Variants in LRRC25 observed in about 807,000 individuals in gnomAD.
LRRC25 encodes leucine rich repeat containing 25.
LRRC25 carries 5 observed loss-of-function variants against 18.8 expected under a neutral mutation model. That is an observed-to-expected ratio of 0.27 (90% confidence interval 0.14 to 0.56). The LOEUF is 0.56. Ranked by LOEUF, LRRC25 falls within the 20% of genes least tolerant of loss-of-function variation. LRRC25 has a pLI of 0.93. For missense variants in LRRC25, 341 were observed against 389.8 expected (o/e 0.87, Z 1.05); for synonymous variants, 161 against 176.8 (o/e 0.91, Z 0.71).
chr19:18,393,232 AG>A (rs2144620925), intron 1 of LRRC25, among the ~76,000 whole-genome samples: 1 of 152,324 alleles, frequency 6.6e-6, no homozygotes, highest in South Asian at 2.1e-4. Flanking sequence ...GTCAAGGAGC[AG>A]GTAGCTACTT....
Position 18,392,135 on chromosome 19 carries a change from C to T in LRRC25, c.780-10G>A. ...CTCTGAAGGGTGAGCCCTGGGGGGA[C>T]AGACAGACCAGGGGTAAGTGTGGGA... On this transcript the variant is annotated splice_polypyrimidine_tract_variant and intron_variant, in intron 1 of 1. Transcript: ENST00000339007. 6.2e-7 allele frequency: 1 copy of T among 1,612,966 alleles called. No homozygotes were observed. Among genetic ancestry groups the T allele is most frequent in the Non-Finnish European group, 8.5e-7 (1 of 1,179,220 alleles).
rs1330516605 is a variant in LRRC25 at position 18,396,420 on chromosome 19, C to T, written c.544G>A (p.Ala182Thr). The change falls in exon 1 of 2, where the codon GCT (alanine) becomes ACT (threonine). Residue 182 changes from alanine to threonine, a missense_variant. Coordinates refer to ENST00000339007, the MANE Select transcript of LRRC25 (RefSeq NM_145256.3). ...SGCLLLGLAIAGPVLAWRLWR... is the reference protein window; with the variant it reads ...SGCLLLGLAITGPVLAWRLWR... Reference sequence around the variant, plus strand: ...AGTCTCCAGGCCAGCACAGGGCCAGCGATGGCAAGTCCAAGAAGCAGGCAC... The same window carrying T: ...AGTCTCCAGGCCAGCACAGGGCCAGTGATGGCAAGTCCAAGAAGCAGGCAC... 11 of 1,613,346 alleles carry T rather than the reference C, an allele frequency of 6.8e-6. No individual in the cohort carries two copies. Among genetic ancestry groups the T allele is most frequent in the African/African-American group, 1.3e-5 (1 of 74,938 alleles).
At position 18,396,186 on chromosome 19, in the gene LRRC25, C is replaced by G; in HGVS notation, c.778G>C (p.Gly260Arg). The change falls in exon 1 of 2, where the codon GGG becomes CGG. Residue 260 changes from glycine (G) to arginine (R), a missense_variant and splice_region_variant. Coordinates refer to ENST00000339007, the MANE Select transcript of LRRC25 (RefSeq NM_145256.3). ...CAGGTGTCTCAGTGGCTTACTTACC[C>G]TTGTTCATCCCACTGGTGCTCGGCT... ...PAAEHQWDEQ[G>R]AHPSEDNDFY... The G allele has an allele frequency of 6.3e-7, 1 of 1,590,626 alleles. No homozygotes were observed. The highest frequency in any genetic ancestry group is 1.1e-5 in the South Asian group (1 of 88,810).
At position 18,392,129 on chromosome 19, in the gene LRRC25, G is replaced by C; in HGVS notation, c.780-4C>G. ...ATTGTCCTCTGAAGGGTGAGCCCTG[G>C]GGGGACAGACAGACCAGGGGTAAGT... On this transcript the variant is annotated splice_region_variant and splice_polypyrimidine_tract_variant and intron_variant, in intron 1 of 1. Coordinates refer to ENST00000339007, the MANE Select transcript of LRRC25 (RefSeq NM_145256.3). 1 of 1,613,574 alleles carries C rather than the reference G, an allele frequency of 6.2e-7. No homozygotes were observed. The highest frequency in any genetic ancestry group is 1.1e-5 in the South Asian group (1 of 91,036).
At chr19:18,392,531 C>A (rs1050294290) in intron 1 of LRRC25, among the ~76,000 whole-genome samples, 5 of 151,920 alleles carry the variant, frequency 3.3e-5, no homozygotes, top group African/African-American at 1.2e-4. Flanking sequence ...GTGGCTCAGT[C>A]CACCCCGAAT....
At chr19:18,392,485 C>CT (rs1383088502) in intron 1 of LRRC25, among the ~76,000 whole-genome samples, 20 of 151,688 alleles carry the variant, frequency 1.3e-4, no homozygotes, top group Non-Finnish European at 5.9e-5. Flanking sequence ...GAGCAAGACT[C>CT]TATCTCAGAA....
At chr19:18,394,106 G>A (rs113551409) in intron 1 of LRRC25, among the ~76,000 whole-genome samples, 4 of 152,020 alleles carry the variant, frequency 2.6e-5, no homozygotes, top group East Asian at 1.9e-4. Context: ...AGCCATGGCC[G>A]CGGCCCCTTC....
At position 18,396,668 on chromosome 19, in the gene LRRC25, C is replaced by A. The variant is rs769630201; in HGVS notation, c.296G>T (p.Arg99Leu). 4 of 1,613,948 alleles carry A rather than the reference C, an allele frequency of 2.5e-6. No homozygotes were observed. The highest frequency in any genetic ancestry group is 2.5e-6 in the Non-Finnish European group (3 of 1,180,016). The change falls in exon 1 of 2, where the codon CGT becomes CTT. Residue 99 changes from arginine (R) to leucine (L), a missense_variant. Transcript: ENST00000339007. ...GCGGGCGGCCAGCGCCCCATCCACA[C>A]GAGACAAGGGGTTGCGTAGCACGTT... ...VLNVLRNPLS[R>L]VDGALAARCD...
chr19:18,392,621 G>A (rs1456683139), intron 1 of LRRC25, among the ~76,000 whole-genome samples: 2 of 152,192 alleles, frequency 1.3e-5, no homozygotes, highest in Non-Finnish European at 2.9e-5. Flanking sequence ...GGCTGCGGGA[G>A]GGCAGTGATT....
intron 1 of LRRC25, among the ~76,000 whole-genome samples, chr19:18,395,708 C>T (rs1321012875): frequency 6.6e-6 from 1 of 152,052 alleles, no homozygotes; most frequent in Admixed American, 6.6e-5. Context: ...AATTCTCCCT[C>T]ATTTTACTTT....
chr19:18,393,491 G>A (rs978914181), intron 1 of LRRC25, among the ~76,000 whole-genome samples: 1 of 152,148 alleles, frequency 6.6e-6, no homozygotes, highest in African/African-American at 2.4e-5. Context: ...GTGGGCGCCT[G>A]TAATCCCAGC....
rs1971975885 is a variant in LRRC25, at chr19:18,396,742, T to A, written c.222A>T (p.Arg74=). ...ILLDLSGNGL[R]ELPVTFFAHL... is the part of the protein sequence containing the mutation. ...GGGCAAAGAAGGTCACTGGAAGCTC[T>A]CGCAGGCCGTTCCCAGACAGGTCAA... Residue 74 remains arginine (R), a synonymous_variant, in exon 1 of 2, where the codon CGA becomes CGT. Coordinates refer to ENST00000339007, the MANE Select transcript of LRRC25 (RefSeq NM_145256.3). The A allele has an allele frequency of 6.2e-7, 1 of 1,613,988 alleles. No individual in the cohort carries two copies. The highest frequency in any genetic ancestry group is 1.1e-5 in the South Asian group (1 of 91,078).
chr19:18,392,141 G>A lies in LRRC25; in HGVS notation c.780-16C>T, dbSNP rs773815734. The A allele has an allele frequency of 1.9e-6, 3 of 1,611,780 alleles. No homozygotes were observed. Among genetic ancestry groups the A allele is most frequent in the Non-Finnish European group, 2.5e-6 (3 of 1,178,258 alleles). On this transcript the variant is annotated splice_polypyrimidine_tract_variant and intron_variant, in intron 1 of 1. Transcript: ENST00000339007. Reference sequence around the variant, plus strand: ...AGGGTGAGCCCTGGGGGGACAGACAGACCAGGGGTAAGTGTGGGAGGGGGA... The same window carrying A: ...AGGGTGAGCCCTGGGGGGACAGACAAACCAGGGGTAAGTGTGGGAGGGGGA...
chr19:18,392,062 CT>C lies in LRRC25; in HGVS notation c.842del (p.Gln281ArgfsTer21). The C allele has an allele frequency of 1.9e-6, 3 of 1,614,164 alleles. No individual in the cohort carries two copies. The East Asian group carries it at 6.7e-5, about 36-fold the overall frequency. ...INYKDIDLAS[Q>X]PVYCNLQSLG... ...GTGACTGCAGGTTACAGTAGACAGG[CT>C]GGGAAGCCAGGTCGATGTCCTTGTA... is the stretch of plus-strand genomic sequence containing the variant. On this transcript the variant is annotated frameshift_variant, in exon 2 of 2. Coordinates refer to ENST00000339007, the MANE Select transcript of LRRC25 (RefSeq NM_145256.3). LOFTEE classifies it low-confidence loss of function (END_TRUNC).
chr19:18,397,318 C>A lies in LRRC25; in HGVS notation c.-355G>T, dbSNP rs537543776. ...TGGAAACGGCCCCGCCCCCTGATCA[C>A]GCTCCCGGTATCTCCCAGAACGGCG... On this transcript the variant is annotated 5_prime_UTR_variant, in exon 1 of 2. Transcript: ENST00000339007. The A allele has an allele frequency of 7.1e-6, 2 of 282,378 alleles. No homozygotes were observed. Among genetic ancestry groups the A allele is most frequent in the South Asian group, 1.1e-4 (2 of 17,774 alleles). 17.5% of individuals were successfully genotyped at this position (282,378 alleles called of 1,614,324 possible).
rs1433379942 is a variant in LRRC25 at position 18,396,987 on chromosome 19, C to A, written c.-24G>T. 6.3e-7 allele frequency: 1 copy of A among 1,585,282 alleles called. No homozygotes were observed. ...ATTCAAGCAACCTACGTAGAGACAC[C>A]GGAATCCTAGCCCTGACCTCAGCCC... On this transcript the variant is annotated 5_prime_UTR_variant, in exon 1 of 2. Coordinates refer to ENST00000339007, the MANE Select transcript of LRRC25 (RefSeq NM_145256.3).
At chr19:18,395,018 G>A (rs1334490818) in intron 1 of LRRC25, among the ~76,000 whole-genome samples, 1 of 152,016 alleles carries the variant, frequency 6.6e-6, no homozygotes, top group Non-Finnish European at 1.5e-5. Flanking sequence ...GCTTGAGGCT[G>A]CAGTGATCTG....
chr19:18,396,577 G>T lies in LRRC25; in HGVS notation c.387C>A (p.Asp129Glu). The part of the protein sequence containing the change: ...ALESWHDIRR[D>E]NCSGQKPLLC... ...GCAGAGGCTTCTGGCCAGAGCAGTTGTCTCGGCGGATGTCGTGCCAGGACT... is the reference window on the plus strand; with the variant it reads ...GCAGAGGCTTCTGGCCAGAGCAGTTTTCTCGGCGGATGTCGTGCCAGGACT... The change falls in exon 1 of 2, where the codon GAC becomes GAA. Residue 129 changes from aspartate (D) to glutamate (E), a missense_variant. Coordinates refer to ENST00000339007, the MANE Select transcript of LRRC25 (RefSeq NM_145256.3). The T allele has an allele frequency of 6.2e-7, 1 of 1,613,886 alleles. No homozygotes were observed. Among genetic ancestry groups the T allele is most frequent in the East Asian group, 2.2e-5 (1 of 44,884 alleles).
At position 18,396,395 on chromosome 19, in the gene LRRC25, A is replaced by G. The variant is rs1479939121; in HGVS notation, c.569T>C (p.Leu190Pro). The G allele has an allele frequency of 6.8e-6, 11 of 1,613,440 alleles. No homozygotes were observed. Among genetic ancestry groups the G allele is most frequent in the Non-Finnish European group, 8.5e-6 (10 of 1,179,994 alleles). The change falls in exon 1 of 2, where the codon CTC (leucine) becomes CCC (proline). Residue 190 changes from leucine to proline, a missense_variant. Transcript: ENST00000339007. Reference protein sequence around the residue: ...AIAGPVLAWRLWRCRVARSRE... With the variant: ...AIAGPVLAWRPWRCRVARSRE... ...GCTTCTGGCCACTCGGCATCGCCAG[A>G]GTCTCCAGGCCAGCACAGGGCCAGC...
Sources: allele counts gnomAD v4.1 joint callset (sites outside exome capture counted in the v4.1 genomes callset), GRCh38; gene constraint gnomAD v4.1.1; transcripts MANE v1.5; gene names NCBI Gene and HGNC (gene_info 2026-07-23, HGNC 2026-07-21).